The following AGBL4 variants were observed in gnomAD, a reference collection of about 807,000 sequenced individuals.
AGBL4 encodes the protein AGBL carboxypeptidase 4.
In AGBL4, 58 loss-of-function variants were observed where a neutral mutation model predicts 66.4. The ratio of observed to expected loss-of-function variants is 0.87; its 90% CI spans 0.71 to 1.09. The LOEUF (loss-of-function observed/expected upper bound fraction) is 1.09, where lower values mean the gene tolerates loss of function less well. Among genes scored for constraint, AGBL4 ranks in the 50% least tolerant of loss-of-function variants. The probability of loss-of-function intolerance (pLI) is 0.00; values close to 1 mark genes in which losing one functional copy is unlikely to be tolerated. For missense variants in AGBL4, 579 were observed against 631.0 expected (o/e 0.92, Z 0.88); for synonymous variants, 234 against 222.9 (o/e 1.05, Z -0.44).
chr1:50,003,254 T>G (rs12138375), intron 1 of AGBL4, among the ~76,000 whole-genome samples: 48,181 of 152,160 alleles, frequency 0.32, 8,405 homozygotes, highest in East Asian at 0.73. Context: ...CAAGTTTTGC[T>G]TTTTGAAAAT....
chr1:49,768,104 A>G (rs898581693), intron 2 of AGBL4, among the ~76,000 whole-genome samples: 1 of 152,138 alleles, frequency 6.6e-6, no homozygotes, highest in African/African-American at 2.4e-5. Flanking sequence ...TCCAAAGAAG[A>G]GCTGGTACCA....
intron 6 of AGBL4, among the ~76,000 whole-genome samples, chr1:48,805,318 C>G (rs979999470): frequency 6.6e-6 from 1 of 152,070 alleles, no homozygotes; most frequent in Non-Finnish European, 1.5e-5. Context: ...TTTCAAAAGG[C>G]AAATTTGGGT....
Position 48,830,889 on chromosome 1 carries a change from A to G in AGBL4, c.634+36302T>C, listed in dbSNP as rs994105313. Among the ~76,000 whole-genome samples, 3 of 152,326 alleles carry G rather than the reference A, an allele frequency of 2.0e-5. No individual in the cohort carries two copies. In the East Asian group the frequency reaches 5.8e-4, roughly 29 times the overall value. ...TAACAAATATTGCTGAGGGCCTGCT[A>G]CATACCAAGCATTGTTCTAGACATT... On this transcript the variant is annotated intron_variant, in intron 6 of 13. Coordinates refer to ENST00000371839, the MANE Select transcript of AGBL4 (RefSeq NM_032785.4).
chr1:48,522,577 G>A, the AGBL4 span, among the ~76,000 whole-genome samples: 2 of 152,112 alleles, frequency 1.3e-5, no homozygotes, highest in East Asian at 3.9e-4. Context: ...GTGCTCCATG[G>A]TGCCTACTGC....
intron 1 of AGBL4, among the ~76,000 whole-genome samples, chr1:50,005,710 G>T (rs966450710): frequency 6.6e-6 from 1 of 152,116 alleles, no homozygotes; most frequent in African/African-American, 2.4e-5. Flanking sequence ...ACCTTTCAGA[G>T]AATTCAAAAT....
intron 2 of AGBL4, among the ~76,000 whole-genome samples, chr1:49,799,859 C>T (rs1644818091): frequency 6.6e-6 from 1 of 152,070 alleles, no homozygotes; most frequent in Non-Finnish European, 1.5e-5. Context: ...AACTCAGTGC[C>T]ACAGTGACCC....
At chr1:49,022,832 A>C (rs1663350855) in intron 5 of AGBL4, among the ~76,000 whole-genome samples, 1 of 152,186 alleles carries the variant, frequency 6.6e-6, no homozygotes, top group Non-Finnish European at 1.5e-5. Flanking sequence ...GTGTACCAGC[A>C]CTATGCTAGG....
At chr1:49,424,195 T>A (rs1645608521) in intron 3 of AGBL4, among the ~76,000 whole-genome samples, 1 of 152,202 alleles carries the variant, frequency 6.6e-6, no homozygotes, top group South Asian at 2.1e-4. Context: ...CTTTAGCAGT[T>A]CATGATATAT....
intron 4 of AGBL4, among the ~76,000 whole-genome samples, chr1:49,063,235 A>G (rs1644434093): frequency 6.6e-6 from 1 of 152,194 alleles, no homozygotes; most frequent in Non-Finnish European, 1.5e-5. Flanking sequence ...TTATAGAGAT[A>G]GAGAACTTTA....
chr1:48,610,773 C>T (rs1206010704), intron 9 of AGBL4, among the ~76,000 whole-genome samples: 4 of 152,094 alleles, frequency 2.6e-5, no homozygotes, highest in Non-Finnish European at 5.9e-5. Flanking sequence ...TGTAATTTTC[C>T]TCCTGCACTC....
rs150450609 is a variant in AGBL4 at position 48,851,640 on chromosome 1, C to T, written c.634+15551G>A. On this transcript the variant is annotated intron_variant, in intron 6 of 13. Coordinates refer to ENST00000371839, the MANE Select transcript of AGBL4 (RefSeq NM_032785.4). ...TTCTTTTCATTAATGCAATTAAGAACTCTTCTCTAACAAGCCAGTTTTCTG... is the reference window on the plus strand; with the variant it reads ...TTCTTTTCATTAATGCAATTAAGAATTCTTCTCTAACAAGCCAGTTTTCTG... Among the ~76,000 whole-genome samples, 74 of 152,300 alleles carry T rather than the reference C, an allele frequency of 4.9e-4. 1 individual carries two copies. In the South Asian group the frequency reaches 9.7e-3, roughly 20 times the overall value.
intron 9 of AGBL4, among the ~76,000 whole-genome samples, chr1:48,596,550 C>G (rs1352576616): frequency 6.6e-6 from 1 of 152,000 alleles, no homozygotes; most frequent in African/African-American, 2.4e-5. Flanking sequence ...TAATATCAAC[C>G]AAGCAAATCA....
chr1:48,564,983 TCA>T (rs1644453571), intron 11 of AGBL4, among the ~76,000 whole-genome samples: 1 of 152,214 alleles, frequency 6.6e-6, no homozygotes, highest in South Asian at 2.1e-4. Context: ...AGGGGAATTT[TCA>T]CAGTCTGTGC....
rs949910533 is a variant in AGBL4 at position 49,118,030 on chromosome 1, T to C, written c.378-72230A>G. ...GATTTGGCTCTCTGTCTGTTATTGG[T>C]GTATAGGAATGCTTGTGATTTTTGC... On this transcript the variant is annotated intron_variant, in intron 4 of 13. Transcript: ENST00000371839. Among the ~76,000 whole-genome samples, 11 of 152,148 alleles carry C rather than the reference T, an allele frequency of 7.2e-5. 1 individual carries two copies. Among genetic ancestry groups the C allele is most frequent in the African/African-American group, 2.7e-4 (11 of 41,430 alleles).
rs373071672 is a variant in AGBL4 at position 49,320,182 on chromosome 1, C to T, written c.283-74318G>A. Among the ~76,000 whole-genome samples the T allele has an allele frequency of 1.1e-4, 16 of 152,028 alleles. No homozygotes were observed. The East Asian group carries it at 1.2e-3, about 11-fold the overall frequency. Reference sequence around the variant, plus strand: ...CTGGGCACAAGCAATTCACCCACCTCGGCCTCCCAAAGTGTTGGGATTAGA... The same window carrying T: ...CTGGGCACAAGCAATTCACCCACCTTGGCCTCCCAAAGTGTTGGGATTAGA... On this transcript the variant is annotated intron_variant, in intron 3 of 13. Coordinates refer to ENST00000371839, the MANE Select transcript of AGBL4 (RefSeq NM_032785.4).
intron 1 of AGBL4, among the ~76,000 whole-genome samples, chr1:49,872,237 C>T (rs1183692796): frequency 1.3e-5 from 2 of 151,872 alleles, no homozygotes; most frequent in Admixed American, 6.6e-5. Flanking sequence ...TCCTTTCTCT[C>T]GATCTAATTT....
intron 8 of AGBL4, among the ~76,000 whole-genome samples, chr1:48,637,638 C>T (rs1455556096): frequency 1.3e-5 from 2 of 152,228 alleles, no homozygotes; most frequent in Admixed American, 6.5e-5. Flanking sequence ...TGCAGCAGTG[C>T]TGCTGTGGAA....
chr1:48,864,293 G>A (rs1156865583), intron 6 of AGBL4, among the ~76,000 whole-genome samples: 5 of 152,174 alleles, frequency 3.3e-5, no homozygotes, highest in Non-Finnish European at 7.4e-5. Context: ...ACAATTTCAA[G>A]TGTTAAGGCT....
In AGBL4 at chr1:48,860,355, C is replaced by T; in HGVS notation, c.634+6836G>A. ...TATTGTTGGGCTCCATTGTGGGAGA[C>T]ATCACCACAAAGCTCAAATGTACAG... On this transcript the variant is annotated intron_variant, in intron 6 of 13. Coordinates refer to ENST00000371839, the MANE Select transcript of AGBL4 (RefSeq NM_032785.4). Among the ~76,000 whole-genome samples, 2 of 152,168 alleles carry T rather than the reference C, an allele frequency of 1.3e-5. 1 individual carries two copies. The highest frequency in any genetic ancestry group is 2.9e-5 in the Non-Finnish European group (2 of 68,026).
Sources: gnomAD v4.1 joint callset for allele counts (sites outside exome capture counted in the v4.1 genomes callset) on GRCh38, gnomAD v4.1.1 for gene constraint, MANE v1.5 for transcripts, NCBI Gene and HGNC (gene_info 2026-07-23, HGNC 2026-07-21) for gene names.